MECOM: variants seen among roughly 807,000 people sequenced by gnomAD.
The protein encoded by MECOM is histone-lysine N-methyltransferase MECOM.
A neutral mutation model predicts 116.3 loss-of-function variants in MECOM; 13 were observed. The observed-to-expected ratio is 0.11, with a 90% CI of 0.07 to 0.18. The LOEUF (loss-of-function observed/expected upper bound fraction) is 0.18. MECOM is among the 10% of genes least tolerant of loss of function. The probability of loss-of-function intolerance (pLI) is 1.00; values close to 1 mark genes in which losing one functional copy is unlikely to be tolerated. For missense variants in MECOM, 1,299 were observed against 1,509.0 expected (o/e 0.86, Z 2.31); for synonymous variants, 528 against 535.2 (o/e 0.99, Z 0.19).
At position 169,426,337 on chromosome 3, in the gene MECOM, C is replaced by G. The variant is rs554464604; in HGVS notation, c.38-44813G>C. ...TTTGGGAGACCCTAGTGACACAGTT[C>G]AGTGGGAAAGTCATTTAATATCTTG... is the stretch of plus-strand genomic sequence containing the variant. On this transcript the variant is annotated intron_variant, in intron 1 of 16. Transcript: ENST00000651503. 3.3e-5 allele frequency among the ~76,000 whole-genome samples: 5 copies of G among 152,280 alleles called. No homozygotes were observed. In the South Asian group the frequency reaches 1.0e-3, roughly 32 times the overall value.
intron 2 of MECOM, among the ~76,000 whole-genome samples, chr3:169,218,915 CCCTCCTTCTACACCACACACCT>C (rs1751750375): frequency 6.6e-6 from 1 of 150,656 alleles, no homozygotes; most frequent in Non-Finnish European, 1.5e-5. Context: ...CTCTTTCTCC[CCCTCCTTCTACACCACACACCT>C]ACCCCTACGT....
chr3:169,190,596 G>A (rs1486830457), intron 2 of MECOM, among the ~76,000 whole-genome samples: 4 of 151,996 alleles, frequency 2.6e-5, no homozygotes, highest in African/African-American at 9.7e-5. Context: ...TCATATAGAA[G>A]AGGAAAGTAA....
Position 169,127,980 on chromosome 3 carries a change from A to C in MECOM, c.694T>G (p.Cys232Gly), listed in dbSNP as rs1440062904. ...AELADHQKFP[C>G]STPHSAFSMV... ...GAAAATGCTGAGTGAGGAGTACTGC[A>C]TGGAAACTTTTGGTGATCTGCTAGT... Residue 232 changes from cysteine (C) to glycine (G), a missense_variant, in exon 5 of 17, where the codon TGC becomes GGC. By Grantham distance (159) the Cys-to-Gly change is radical (BLOSUM62 -3). Around this residue, in one of 6 missense-constraint regions of MECOM, gnomAD observed 374 missense variants for 433.4 expected, o/e 0.86. Coordinates refer to ENST00000651503, the MANE Select transcript of MECOM (RefSeq NM_004991.4). The C allele has an allele frequency of 6.2e-7, 1 of 1,613,944 alleles. No homozygotes were observed. Among genetic ancestry groups the C allele is most frequent in the Non-Finnish European group, 8.5e-7 (1 of 1,179,946 alleles).
chr3:169,378,637 CA>C, intron 2 of MECOM, among the ~76,000 whole-genome samples: 1 of 151,514 alleles, frequency 6.6e-6, no homozygotes, highest in African/African-American at 2.4e-5. Context: ...ATCAATTAGA[CA>C]TGGTTGATAT....
intron 2 of MECOM, among the ~76,000 whole-genome samples, chr3:169,206,928 A>G (rs1201144261): frequency 6.6e-6 from 1 of 152,172 alleles, no homozygotes; most frequent in African/African-American, 2.4e-5. Flanking sequence ...TTATATTTGA[A>G]TGAAAACATT....
intron 1 of MECOM, among the ~76,000 whole-genome samples, chr3:169,497,640 G>A (rs1215783968): frequency 2.6e-5 from 4 of 152,192 alleles, no homozygotes; most frequent in Non-Finnish European, 5.9e-5. Context: ...TTACAGGCAT[G>A]AGACACAGCT....
At chr3:169,564,494 T>G (rs1762996319) in intron 1 of MECOM, among the ~76,000 whole-genome samples, 1 of 152,220 alleles carries the variant, frequency 6.6e-6, no homozygotes, top group Non-Finnish European at 1.5e-5. Flanking sequence ...AAGCTATAGA[T>G]GTGATAAAAT....
chr3:169,330,001 C>T (rs999279772), intron 2 of MECOM, among the ~76,000 whole-genome samples: 2 of 152,080 alleles, frequency 1.3e-5, no homozygotes, highest in Admixed American at 6.6e-5. Context: ...GTCAAGAAGA[C>T]TTTCTTAAAA....
At chr3:169,338,600 G>GGTGTGTGTGTGTGTGTGTGTGT (rs149763365) in intron 2 of MECOM, among the ~76,000 whole-genome samples, 1 of 146,442 alleles carries the variant, frequency 6.8e-6, no homozygotes, top group African/African-American at 2.5e-5. Context: ...TTATGTTAGG[G>GGTGTGTGTGTGTGTGTGTGTGT]GTGTGTGTGT....
At chr3:169,237,587 T>C (rs1754224337) in intron 2 of MECOM, among the ~76,000 whole-genome samples, 1 of 135,646 alleles carries the variant, frequency 7.4e-6, no homozygotes, top group African/African-American at 2.8e-5. Context: ...ATTTCTGCTG[T>C]GCTAACTGCA....
chr3:169,179,265 G>T (rs1289695861), intron 2 of MECOM, among the ~76,000 whole-genome samples: 1 of 152,116 alleles, frequency 6.6e-6, no homozygotes, highest in African/African-American at 2.4e-5. Flanking sequence ...TAAGCCATGA[G>T]ATATTAATGC....
rs890241329 is a variant in MECOM at position 169,312,922 on chromosome 3, G to A, written c.375+68265C>T. Among the ~76,000 whole-genome samples, 10 of 152,122 alleles carry A rather than the reference G, an allele frequency of 6.6e-5. No homozygotes were observed. In the East Asian group the frequency reaches 1.5e-3, roughly 23 times the overall value. On this transcript the variant is annotated intron_variant, in intron 2 of 16. Coordinates refer to ENST00000651503, the MANE Select transcript of MECOM (RefSeq NM_004991.4). ...AAGTAGGGCTGGCATTTGAAACTGC[G>A]ACATTGGAAAGAAACACTGCCCTGG...
At chr3:169,599,167 C>G (rs1767514354) in intron 1 of MECOM, among the ~76,000 whole-genome samples, 1 of 152,174 alleles carries the variant, frequency 6.6e-6, no homozygotes, top group Admixed American at 6.5e-5. Flanking sequence ...TGAGCTACAA[C>G]CGATAGCGAA....
chr3:169,478,847 C>A (rs770282099), intron 1 of MECOM, among the ~76,000 whole-genome samples: 2 of 152,162 alleles, frequency 1.3e-5, no homozygotes, highest in Non-Finnish European at 2.9e-5. Context: ...GGTCATTTTA[C>A]AATTCAGAGA....
intron 2 of MECOM, among the ~76,000 whole-genome samples, chr3:169,205,444 T>C (rs1285399058): frequency 1.3e-5 from 2 of 152,214 alleles, no homozygotes; most frequent in Non-Finnish European, 2.9e-5. Flanking sequence ...TGAAAATGAT[T>C]TATAGGCCAC....
intron 1 of MECOM, among the ~76,000 whole-genome samples, chr3:169,633,278 A>G (rs1056766820): frequency 1.3e-5 from 2 of 152,224 alleles, no homozygotes; most frequent in African/African-American, 2.4e-5. Context: ...AGAGAAACAC[A>G]TTGTCAATTT....
At chr3:169,422,828 T>C (rs956170677) in intron 1 of MECOM, among the ~76,000 whole-genome samples, 11 of 152,044 alleles carry the variant, frequency 7.2e-5, no homozygotes, top group Non-Finnish European at 1.5e-4. Context: ...TTTGGACAAG[T>C]TACTTTATCT....
At position 169,438,084 on chromosome 3, in the gene MECOM, C is replaced by T. The variant is rs76985390; in HGVS notation, c.38-56560G>A. On this transcript the variant is annotated intron_variant, in intron 1 of 16. Coordinates refer to ENST00000651503, the MANE Select transcript of MECOM (RefSeq NM_004991.4). ...CATTTTATATGTAAGGAAATTGAAG[C>T]AGTAATATTAGGAAAAAGAATAAAT... 8.1e-3 allele frequency among the ~76,000 whole-genome samples: 1,227 copies of T among 152,172 alleles called. 18 individuals are homozygous for T. Among genetic ancestry groups the T allele is most frequent in the African/African-American group, 0.028 (1,169 of 41,504 alleles).
intron 1 of MECOM, among the ~76,000 whole-genome samples, chr3:169,486,037 A>G (rs1358243659): frequency 5.2e-5 from 7 of 135,886 alleles, no homozygotes; most frequent in African/African-American, 1.4e-4. Flanking sequence ...GTATATATAT[A>G]TATGTATATA....
Sources: allele counts gnomAD v4.1 joint callset (sites outside exome capture counted in the v4.1 genomes callset), GRCh38; gene constraint gnomAD v4.1.1; regional missense constraint gnomAD v4.1.1; transcripts MANE v1.5; gene names NCBI Gene and HGNC (gene_info 2026-07-23, HGNC 2026-07-21).